SH2D3C: variants seen among roughly 807,000 people sequenced by gnomAD.
The protein encoded by SH2D3C is SH2 domain containing 3C, also known as SH2 domain-containing protein 3C.
A neutral mutation model predicts 75.2 loss-of-function variants in SH2D3C; 25 were observed. The ratio of observed to expected loss-of-function variants is 0.33; its 90% confidence interval spans 0.24 to 0.46. SH2D3C has a LOEUF of 0.46. Among genes scored for constraint, SH2D3C ranks in the 20% least tolerant of loss-of-function variants. SH2D3C has a pLI of 1.00. For missense variants in SH2D3C, 933 were observed against 1,165.3 expected, an observed-to-expected ratio of 0.80 and a Z score of 2.90; for synonymous variants, 450 against 473.7, an observed-to-expected ratio of 0.95 and a Z score of 0.65.
chr9:127,771,280 G>C, intron 2 of SH2D3C: 3 of 1,520,688 alleles, frequency 2.0e-6, no homozygotes, highest in South Asian at 2.5e-5. Flanking sequence ...AAACCCAGCG[G>C]CTCCTGCCTT....
chr9:127,771,076 T>C (rs1845727269), intron 2 of SH2D3C: 2 of 828,588 alleles, frequency 2.4e-6, no homozygotes, highest in African/African-American at 3.5e-5. Flanking sequence ...GAAAAGTCCC[T>C]GATGCTAACC....
chr9:127,738,627 G>T lies in SH2D3C; in HGVS notation c.*119C>A. 1.8e-6 allele frequency: 2 copies of T among 1,121,458 alleles called. No homozygotes were observed. Among genetic ancestry groups the T allele is most frequent in the Non-Finnish European group, 2.4e-6 (2 of 818,040 alleles). The allele number at this position is 1,121,458 out of a possible 1,614,324, so 69.5% of individuals were successfully genotyped here. On this transcript the variant is annotated 3_prime_UTR_variant, in exon 12 of 12. Coordinates refer to ENST00000314830, the MANE Select transcript of SH2D3C (RefSeq NM_170600.3). This position sits in a 1 kb window ranked among gnomAD's most constrained non-coding sequence, Gnocchi z 5.0. The stretch of plus-strand genomic sequence containing the variant: ...CCCTGGAGGTGCAAGGGAGATGCTT[G>T]AGTTGAACCCAGAACATTCTCGGGT...
Position 127,738,443 on chromosome 9 carries a change from G to A in SH2D3C, c.*303C>T. 1 of 268,766 alleles carries A rather than the reference G, an allele frequency of 3.7e-6. No homozygotes were observed. The highest frequency in any genetic ancestry group is 7.1e-6 in the Non-Finnish European group (1 of 141,316). 16.6% of individuals were successfully genotyped at this position (268,766 alleles called of 1,614,324 possible). A position where few individuals can be genotyped will look rare whatever the true frequency, so the allele number is the denominator to read the frequency against. ...TTGGTGAGGGACAGACAGAGAGTGA[G>A]GAGGCGTGAGCAGCCTGCCTCCCAT... On this transcript the variant is annotated 3_prime_UTR_variant, in exon 12 of 12. Coordinates refer to ENST00000314830, the MANE Select transcript of SH2D3C (RefSeq NM_170600.3). The surrounding 1 kb of genome is among the most constrained non-coding windows in gnomAD (Gnocchi z 5.0).
At chr9:127,742,118 G>C (rs1844878248) in intron 8 of SH2D3C, among the ~76,000 whole-genome samples, 159 bp from the exon 9 acceptor site, 1 of 152,194 alleles carries the variant, frequency 6.6e-6, no homozygotes, top group South Asian at 2.1e-4. Flanking sequence ...CCAGAGCGTG[G>C]AAAGCAAGGC....
chr9:127,757,617 TGA>T (rs1415106053), intron 3 of SH2D3C, among the ~76,000 whole-genome samples: 72 of 116,344 alleles, frequency 6.2e-4, no homozygotes, highest in Middle Eastern at 4.6e-3. Context: ...ATGATGATGA[TGA>T]TGATGATGAT....
At chr9:127,742,112 A>G (rs1355797253) in intron 8 of SH2D3C, among the ~76,000 whole-genome samples, 153 bp from the exon 9 acceptor site, 2 of 152,124 alleles carry the variant, frequency 1.3e-5, no homozygotes, top group Non-Finnish European at 2.9e-5. Context: ...GCGCGGCCAG[A>G]GCGTGGAAAG....
At position 127,739,520 on chromosome 9, in the gene SH2D3C, GAAAAA is replaced by G. The variant is rs1323815848; in HGVS notation, c.2407+157_2407+161del. Among the ~76,000 whole-genome samples, 1 of 151,630 alleles carries G rather than the reference GAAAAA, an allele frequency of 6.6e-6. No homozygotes were observed. Among genetic ancestry groups the G allele is most frequent in the African/African-American group, 2.4e-5 (1 of 41,302 alleles). On this transcript the variant is annotated intron_variant, in intron 11 of 11. Transcript: ENST00000314830. The surrounding 1 kb of genome is among the most constrained non-coding windows in gnomAD (Gnocchi z 4.3). ...GTGAGACTCCATCTCAAAAAAAAAA[GAAAAA>G]AGAAAAGAAAAGACATGAGAGGAAG... is the stretch of plus-strand genomic sequence containing the variant.
chr9:127,757,629 TGATGATGATGATGATG>T (rs1845422155), intron 3 of SH2D3C, among the ~76,000 whole-genome samples: 4 of 124,192 alleles, frequency 3.2e-5, no homozygotes, highest in Admixed American at 1.7e-4. Context: ...ATGATGATGA[TGATGATGATGATGATG>T]ATTATTATTA....
intron 9 of SH2D3C, among the ~76,000 whole-genome samples, chr9:127,741,387 C>T (rs1216524594): frequency 1.3e-5 from 2 of 151,476 alleles, no homozygotes; most frequent in African/African-American, 2.4e-5. Flanking sequence ...ATTACAGGTG[C>T]GCACCACCAC....
At chr9:127,744,300 A>G (rs1844957172) in intron 7 of SH2D3C, among the ~76,000 whole-genome samples, 1 of 151,830 alleles carries the variant, frequency 6.6e-6, no homozygotes, top group Non-Finnish European at 1.5e-5. Flanking sequence ...TGAACTCCTG[A>G]CCTCAGGTGA....
intron 7 of SH2D3C, among the ~76,000 whole-genome samples, chr9:127,743,988 A>T (rs1452640995): frequency 2.0e-5 from 3 of 151,804 alleles, no homozygotes; most frequent in Non-Finnish European, 4.4e-5. Context: ...CAACTGCCTC[A>T]GGGAGCCAGA....
At chr9:127,758,091 C>T (rs985609406) in intron 3 of SH2D3C, among the ~76,000 whole-genome samples, 4 of 152,056 alleles carry the variant, frequency 2.6e-5, no homozygotes, top group African/African-American at 9.7e-5. Context: ...GCTGGGATTA[C>T]AGGTGTGAGC....
intron 3 of SH2D3C, chr9:127,755,224 A>G: frequency 1.9e-6 from 2 of 1,071,188 alleles, no homozygotes. Context: ...GCAGGGGCGC[A>G]GGGACCAACC....
intron 3 of SH2D3C, among the ~76,000 whole-genome samples, chr9:127,755,713 G>A (rs1406728352): frequency 1.3e-5 from 2 of 152,174 alleles, no homozygotes; most frequent in Non-Finnish European, 2.9e-5. Flanking sequence ...GCTGGGAATC[G>A]AGGATGTTCA....
chr9:127,771,364 G>A (rs992965464), intron 2 of SH2D3C: 1 of 1,353,794 alleles, frequency 7.4e-7, no homozygotes, highest in Non-Finnish European at 9.5e-7. Flanking sequence ...CACGCCCCCA[G>A]ACACGCCCCT....
rs1322180546 is a variant in SH2D3C at position 127,754,245 on chromosome 9, G to A, written c.556-2945C>T. 6.6e-6 allele frequency among the ~76,000 whole-genome samples: 1 copy of A among 152,158 alleles called. No homozygotes were observed. Among genetic ancestry groups the A allele is most frequent in the African/African-American group, 2.4e-5 (1 of 41,436 alleles). ...GGGATGCTGCGCTCCGCCGCCGGCG[G>A]GGCAGTCCTTCAGGCGGGCTCCGCG... On this transcript the variant is annotated intron_variant, in intron 3 of 11. Transcript: ENST00000314830. The surrounding 1 kb of genome is among the most constrained non-coding windows in gnomAD (Gnocchi z 4.4).
rs1845187020 is a variant in SH2D3C at position 127,751,041 on chromosome 9, C to T, written c.684+131G>A. 1 of 839,956 alleles carries T rather than the reference C, an allele frequency of 1.2e-6. No homozygotes were observed. Among genetic ancestry groups the T allele is most frequent in the African/African-American group, 1.7e-5 (1 of 59,266 alleles). The allele number at this position is 839,956 out of a possible 1,614,324, so 52.0% of individuals were successfully genotyped here. ...AGTAAAGGGCAGAGCTAGACCTCAT[C>T]CCAGTCCATTCTGATTGAATCCACC... On this transcript the variant is annotated intron_variant, in intron 4 of 11. Transcript: ENST00000314830. This position sits in a 1 kb window ranked among gnomAD's most constrained non-coding sequence, Gnocchi z 4.1.
intron 3 of SH2D3C, chr9:127,755,006 C>T (rs1845329055): frequency 6.7e-6 from 5 of 744,354 alleles, no homozygotes; most frequent in South Asian, 7.9e-5. Flanking sequence ...CCCCGGCTGG[C>T]TCTAGGGCCC....
intron 7 of SH2D3C, among the ~76,000 whole-genome samples, chr9:127,743,319 A>G (rs1341069949): frequency 6.6e-6 from 1 of 152,194 alleles, no homozygotes; most frequent in Non-Finnish European, 1.5e-5. Context: ...CCTGGCCAAC[A>G]TGGCGAAACC....
Sources: allele counts gnomAD v4.1 joint callset (sites outside exome capture counted in the v4.1 genomes callset), GRCh38; gene constraint gnomAD v4.1.1; non-coding constraint Gnocchi (gnomAD v3.1); transcripts MANE v1.5; gene names NCBI Gene and HGNC (gene_info 2026-07-23, HGNC 2026-07-21).